Variants in CRACR2A observed in about 807,000 individuals in gnomAD.
CRACR2A encodes the protein calcium release activated channel regulator 2A, also known as EF-hand calcium-binding domain-containing protein 4B.
A neutral mutation model predicts 90.5 loss-of-function variants in CRACR2A; 79 were observed. That is an observed-to-expected ratio of 0.87 (90% CI 0.73 to 1.05). CRACR2A has a LOEUF of 1.05. Among genes scored for constraint, CRACR2A ranks in the 50% least tolerant of loss-of-function variants. The pLI, the probability that CRACR2A is intolerant of heterozygous loss-of-function variation, is 0.00. For synonymous variants in CRACR2A, 338 were observed against 356.7 expected (o/e 0.95, Z 0.59); for missense variants, 823 against 897.2 (o/e 0.92, Z 1.06).
intron 5 of CRACR2A, among the ~76,000 whole-genome samples, chr12:3,679,569 T>G (rs1945408746): frequency 6.6e-6 from 1 of 152,212 alleles, no homozygotes; most frequent in Admixed American, 6.5e-5. Flanking sequence ...TACTGTCCAG[T>G]GTTACAGCAG....
At chr12:3,745,787 A>AC (rs1469739442) in intron 1 of CRACR2A, among the ~76,000 whole-genome samples, 90 of 6,962 alleles carry the variant, frequency 0.013, 2 homozygotes, top group African/African-American at 0.014. Flanking sequence ...TCAAAAAATA[A>AC]AATAAAATAA....
At chr12:3,619,662 A>C (rs1374479559) in intron 17 of CRACR2A, among the ~76,000 whole-genome samples, 1 of 152,206 alleles carries the variant, frequency 6.6e-6, no homozygotes, top group African/African-American at 2.4e-5. Context: ...TAGATGGAAC[A>C]GCAGGCCCCC....
Position 3,622,191 on chromosome 12 carries a change from G to A in CRACR2A, c.1933-2819C>T, listed in dbSNP as rs116137664. On this transcript the variant is annotated intron_variant, in intron 17 of 19. Coordinates refer to ENST00000440314, the MANE Select transcript of CRACR2A (RefSeq NM_001144958.2). ...CAAGCCCCTAGGGCTTTGGTGAACAGGTCTCAGGTCTACTCAAACTCTGTT... is the reference window on the plus strand; with the variant it reads ...CAAGCCCCTAGGGCTTTGGTGAACAAGTCTCAGGTCTACTCAAACTCTGTT... Among the ~76,000 whole-genome samples the A allele has an allele frequency of 6.6e-3, 1,005 of 152,336 alleles. 14 individuals carry two copies. Among genetic ancestry groups the A allele is most frequent in the African/African-American group, 0.023 (966 of 41,564 alleles).
intron 3 of CRACR2A, among the ~76,000 whole-genome samples, chr12:3,699,632 T>C (rs1487595313): frequency 1.3e-5 from 2 of 152,204 alleles, no homozygotes; most frequent in Non-Finnish European, 2.9e-5. Context: ...CTAACTTCCC[T>C]AGACCACTTT....
chr12:3,683,250 G>A (rs1237751892), intron 4 of CRACR2A, among the ~76,000 whole-genome samples: 1 of 152,198 alleles, frequency 6.6e-6, no homozygotes, highest in Non-Finnish European at 1.5e-5. Flanking sequence ...CTGTCTAATA[G>A]TTCTCCAGGG....
chr12:3,717,164 G>T (rs1042675343), intron 2 of CRACR2A, among the ~76,000 whole-genome samples: 1 of 152,106 alleles, frequency 6.6e-6, no homozygotes, highest in African/African-American at 2.4e-5. Context: ...AAGGTCACGA[G>T]AAATGCCCAG....
intron 4 of CRACR2A, among the ~76,000 whole-genome samples, chr12:3,687,597 T>C (rs753188650): frequency 4.6e-5 from 7 of 152,258 alleles, no homozygotes; most frequent in Non-Finnish European, 8.8e-5. Context: ...CAGTCTACCA[T>C]TGATGGGCAT....
intron 3 of CRACR2A, among the ~76,000 whole-genome samples, chr12:3,706,063 C>G (rs1337938227): frequency 6.6e-6 from 1 of 152,180 alleles, no homozygotes; most frequent in East Asian, 1.9e-4. Context: ...GCTGATACCT[C>G]TTTAGAAAGT....
At chr12:3,695,581 C>T (rs75716204) in intron 4 of CRACR2A, among the ~76,000 whole-genome samples, 2,645 of 152,338 alleles carry the variant, frequency 0.017, 85 homozygotes, top group African/African-American at 0.059. Flanking sequence ...AGCCTCCACA[C>T]CTCGGAGCTC....
Position 3,654,362 on chromosome 12 carries a change from T to TG in CRACR2A, c.895dup (p.His299ProfsTer2). The stretch of plus-strand genomic sequence containing the variant: ...CTTGGTATTCTCAGCCTTGGTCTCA[T>TG]GCTTGTCATGATGCAGGGCTGTGCA... On this transcript the variant is annotated frameshift_variant, in exon 10 of 20. Transcript: ENST00000440314. LOFTEE classifies it high-confidence loss of function. 2 of 1,613,168 alleles carry TG rather than the reference T, an allele frequency of 1.2e-6. No individual in the cohort carries two copies. Among genetic ancestry groups the TG allele is most frequent in the Non-Finnish European group, 1.7e-6 (2 of 1,179,698 alleles).
At position 3,673,430 on chromosome 12, in the gene CRACR2A, A is replaced by G. The variant is rs764899573; in HGVS notation, c.671+16T>C. ...CACACATAGTTACAGAAAGCGGCTG[A>G]CACTGGGGTACCCACCTTTTTAGGG... is the stretch of plus-strand genomic sequence containing the variant. On this transcript the variant is annotated intron_variant, in intron 7 of 19. Transcript: ENST00000440314. 10 of 1,604,744 alleles carry G rather than the reference A, an allele frequency of 6.2e-6. No homozygotes were observed. The highest frequency in any genetic ancestry group is 5.3e-5 in the Admixed American group (3 of 57,096).
intron 4 of CRACR2A, among the ~76,000 whole-genome samples, chr12:3,682,422 A>C (rs1945473153): frequency 1.3e-5 from 2 of 152,206 alleles, no homozygotes; most frequent in South Asian, 4.1e-4. Flanking sequence ...CAGCACTTCG[A>C]ACCCCAAATC....
chr12:3,739,876 G>A (rs899543403), intron 1 of CRACR2A, among the ~76,000 whole-genome samples: 10 of 151,444 alleles, frequency 6.6e-5, no homozygotes, highest in Admixed American at 1.3e-4. Context: ...GGAGGTTGCA[G>A]TGAGCCGAGA....
intron 15 of CRACR2A, among the ~76,000 whole-genome samples, chr12:3,632,693 A>G (rs752047613): frequency 6.6e-6 from 1 of 152,346 alleles, no homozygotes; most frequent in East Asian, 1.9e-4. Context: ...TCTGGACCTC[A>G]GTTTCCTGAT....
At chr12:3,629,887 A>G (rs1944349536) in intron 15 of CRACR2A, among the ~76,000 whole-genome samples, 1 of 151,808 alleles carries the variant, frequency 6.6e-6, no homozygotes, top group South Asian at 2.1e-4. Flanking sequence ...TGCAAACATG[A>G]AGCCAGAGAA....
At chr12:3,693,355 C>A (rs904706778) in intron 4 of CRACR2A, among the ~76,000 whole-genome samples, 2 of 152,318 alleles carry the variant, frequency 1.3e-5, no homozygotes, top group East Asian at 3.9e-4. Flanking sequence ...CTCAGAGAGG[C>A]CAGCAGACCA....
intron 17 of CRACR2A, among the ~76,000 whole-genome samples, chr12:3,623,326 G>A (rs1369904279): frequency 6.6e-6 from 1 of 152,036 alleles, no homozygotes; most frequent in Non-Finnish European, 1.5e-5. Context: ...GCTTAACTCC[G>A]CCAATTCTAT....
chr12:3,669,778 G>T (rs1945208549), intron 7 of CRACR2A, among the ~76,000 whole-genome samples: 1 of 152,106 alleles, frequency 6.6e-6, no homozygotes, highest in South Asian at 2.1e-4. Flanking sequence ...GAGGAAGCTG[G>T]GGTGGGCCTT....
Position 3,746,522 on chromosome 12 carries a change from C to T in CRACR2A, c.-387+6493G>A, listed in dbSNP as rs965491882. Among the ~76,000 whole-genome samples, 1 of 152,190 alleles carries T rather than the reference C, an allele frequency of 6.6e-6. No individual in the cohort carries two copies. The highest frequency in any genetic ancestry group is 6.5e-5 in the Admixed American group (1 of 15,284). On this transcript the variant is annotated intron_variant, in intron 1 of 19. Coordinates refer to ENST00000440314, the MANE Select transcript of CRACR2A (RefSeq NM_001144958.2). This position sits in a 1 kb window ranked among gnomAD's most constrained non-coding sequence, Gnocchi z 4.4. Reference sequence around the variant, plus strand: ...AAGGAGAGAACCTTCACCCACCAAACTGGCACCATGATGTTAGACTTCCAG... The same window carrying T: ...AAGGAGAGAACCTTCACCCACCAAATTGGCACCATGATGTTAGACTTCCAG...
Sources: gnomAD v4.1 joint callset for allele counts (sites outside exome capture counted in the v4.1 genomes callset) on GRCh38, gnomAD v4.1.1 for gene constraint, Gnocchi (gnomAD v3.1) non-coding constraint, MANE v1.5 for transcripts, NCBI Gene and HGNC (gene_info 2026-07-23, HGNC 2026-07-21) for gene names.